SYT9: variants seen among roughly 807,000 people sequenced by gnomAD.
SYT9 encodes the protein synaptotagmin 9, also known as synaptotagmin-9.
In SYT9, 22 loss-of-function variants were observed where a neutral mutation model predicts 48.4. That is an observed-to-expected ratio of 0.45 (90% CI 0.32 to 0.65). The LOEUF (loss-of-function observed/expected upper bound fraction) is 0.65. SYT9 is among the 30% of genes least tolerant of loss of function. The probability of loss-of-function intolerance (pLI) is 0.03; values close to 1 mark genes in which losing one functional copy is unlikely to be tolerated. For synonymous variants in SYT9, 265 were observed against 245.0 expected, an observed-to-expected ratio of 1.08 and a Z score of -0.76; for missense variants, 577 against 622.0, an observed-to-expected ratio of 0.93 and a Z score of 0.77.
At chr11:7,262,761 G>C (rs1848103259) in intron 1 of SYT9, among the ~76,000 whole-genome samples, 2 of 152,212 alleles carry the variant, frequency 1.3e-5, no homozygotes, top group East Asian at 1.9e-4. Context: ...ATTTTTGATA[G>C]AGAGGTGGGA....
intron 1 of SYT9, among the ~76,000 whole-genome samples, chr11:7,299,361 A>G (rs1197085991): frequency 2.0e-5 from 3 of 152,170 alleles, no homozygotes; most frequent in Non-Finnish European, 4.4e-5. Flanking sequence ...AGGCATACTC[A>G]GCTATTTCTA....
chr11:7,462,800 C>T (rs1285919305), intron 6 of SYT9, among the ~76,000 whole-genome samples: 1 of 152,050 alleles, frequency 6.6e-6, no homozygotes, highest in Non-Finnish European at 1.5e-5. Flanking sequence ...AGTTCAGAGC[C>T]CTTAGGTACT....
At chr11:7,408,601 T>C (rs187677268) in intron 3 of SYT9, among the ~76,000 whole-genome samples, 198 of 152,350 alleles carry the variant, frequency 1.3e-3, no homozygotes, top group Middle Eastern at 3.4e-3. Context: ...CTATTGTAAA[T>C]TGGATTACCT....
chr11:7,364,796 A>T (rs1850210940), intron 3 of SYT9, among the ~76,000 whole-genome samples: 1 of 152,196 alleles, frequency 6.6e-6, no homozygotes, highest in Non-Finnish European at 1.5e-5. Flanking sequence ...TTTCTGATAA[A>T]TGCAAAGCAT....
chr11:7,280,215 A>G (rs543315535), intron 1 of SYT9, among the ~76,000 whole-genome samples: 1 of 152,376 alleles, frequency 6.6e-6, no homozygotes, highest in Admixed American at 6.5e-5. Flanking sequence ...TTACATTACA[A>G]TTGATTCTCA....
At chr11:7,270,063 G>A (rs1848265790) in intron 1 of SYT9, among the ~76,000 whole-genome samples, 1 of 152,136 alleles carries the variant, frequency 6.6e-6, no homozygotes, top group South Asian at 2.1e-4. Context: ...TTCTTAAAGT[G>A]TACTGCTGAA....
chr11:7,462,769 T>G (rs1008524885), intron 6 of SYT9, among the ~76,000 whole-genome samples: 3 of 152,340 alleles, frequency 2.0e-5, no homozygotes, highest in Non-Finnish European at 2.9e-5. Flanking sequence ...AAGAATCACT[T>G]CCATTTTTGA....
rs957073527 is a variant in SYT9 at position 7,420,371 on chromosome 11, A to G, written c.1338-135A>G. ...CCGTGAAGCTTAGCCTGTAGTTTTA[A>G]GTGAGGAAATGAAAAAACAAACAAA... On this transcript the variant is annotated intron_variant, in intron 5 of 6. Coordinates refer to ENST00000318881, the MANE Select transcript of SYT9 (RefSeq NM_175733.4). The G allele has an allele frequency of 1.2e-4, 143 of 1,163,018 alleles. 1 individual carries two copies. The highest frequency in any genetic ancestry group is 7.5e-4 in the Middle Eastern group (3 of 4,026). The allele number at this position is 1,163,018 out of a possible 1,614,324, so 72.0% of individuals were successfully genotyped here.
chr11:7,272,188 G>A (rs1432601264), intron 1 of SYT9, among the ~76,000 whole-genome samples: 8 of 152,044 alleles, frequency 5.3e-5, no homozygotes, highest in Non-Finnish European at 1.2e-4. Context: ...TGCTTATAGG[G>A]GAACTGAGGG....
At chr11:7,354,084 G>A (rs1849971203) in intron 3 of SYT9, among the ~76,000 whole-genome samples, 1 of 152,100 alleles carries the variant, frequency 6.6e-6, no homozygotes, top group Admixed American at 6.5e-5. Flanking sequence ...GATTTGATTG[G>A]AATTAAAAGA....
upstream of SYT9, among the ~76,000 whole-genome samples, chr11:7,246,998 C>G (rs1847800752): frequency 6.6e-6 from 1 of 152,222 alleles, no homozygotes; most frequent in Non-Finnish European, 1.5e-5. Flanking sequence ...GCAGCCAATT[C>G]CATTTCTAGT....
chr11:7,257,921 A>G (rs1848005396), intron 1 of SYT9, among the ~76,000 whole-genome samples: 1 of 152,200 alleles, frequency 6.6e-6, no homozygotes, highest in African/African-American at 2.4e-5. Context: ...AATTGTAGTA[A>G]AGGCATCACA....
At chr11:7,331,000 T>C (rs1300348565) in intron 3 of SYT9, among the ~76,000 whole-genome samples, 1 of 151,998 alleles carries the variant, frequency 6.6e-6, no homozygotes, top group African/African-American at 2.4e-5. Flanking sequence ...GGTTTCATCA[T>C]GTTGGCCAGG....
chr11:7,301,843 G>A (rs1848925717), intron 1 of SYT9, among the ~76,000 whole-genome samples: 1 of 152,216 alleles, frequency 6.6e-6, no homozygotes. Context: ...CATAATGCCA[G>A]AAATGCATTC....
At chr11:7,416,224 G>A in intron 4 of SYT9, 62 bp downstream of exon 4, 1 of 1,594,032 alleles carries the variant, frequency 6.3e-7, no homozygotes, top group Non-Finnish European at 8.6e-7. Context: ...ACCTTATAAA[G>A]TTTTAGTATG....
intron 3 of SYT9, among the ~76,000 whole-genome samples, chr11:7,380,214 C>T (rs1850535510): frequency 6.6e-6 from 1 of 151,592 alleles, no homozygotes; most frequent in Non-Finnish European, 1.5e-5. Context: ...ATCATATGTT[C>T]TTATTTGTGG....
chr11:7,363,637 A>G (rs1218819872), intron 3 of SYT9, among the ~76,000 whole-genome samples: 1 of 152,226 alleles, frequency 6.6e-6, no homozygotes, highest in Non-Finnish European at 1.5e-5. Flanking sequence ...AAAACTTCTT[A>G]CATTTAAAGG....
intron 6 of SYT9, among the ~76,000 whole-genome samples, chr11:7,447,648 C>T (rs998720570): frequency 2.0e-5 from 3 of 152,214 alleles, no homozygotes; most frequent in Non-Finnish European, 4.4e-5. Context: ...AGAACAGATA[C>T]TGTATCTCAT....
At chr11:7,279,647 T>A (rs1344398903) in intron 1 of SYT9, among the ~76,000 whole-genome samples, 1 of 152,216 alleles carries the variant, frequency 6.6e-6, no homozygotes, top group Admixed American at 6.5e-5. Context: ...CCCAGGAATC[T>A]ATACTTTTAA....
Sources: allele counts gnomAD v4.1 joint callset (sites outside exome capture counted in the v4.1 genomes callset), GRCh38; gene constraint gnomAD v4.1.1; transcripts MANE v1.5; gene names NCBI Gene and HGNC (gene_info 2026-07-23, HGNC 2026-07-21).